Variants in PDE1C observed in about 807,000 individuals in gnomAD.
PDE1C encodes the protein dual specificity calcium/calmodulin-dependent 3',5'-cyclic nucleotide phosphodiesterase 1C.
A neutral mutation model predicts 93.1 loss-of-function variants in PDE1C; 62 were observed. The ratio of observed to expected loss-of-function variants is 0.67; its 90% CI spans 0.54 to 0.82. The LOEUF (loss-of-function observed/expected upper bound fraction) is 0.82, where lower values mean the gene tolerates loss of function less well. Ranked by LOEUF, PDE1C falls within the 40% of genes least tolerant of loss-of-function variation. The pLI, the probability that PDE1C is intolerant of heterozygous loss-of-function variation, is 0.00. For missense variants in PDE1C, 742 were observed against 884.6 expected (o/e 0.84, Z 2.04); for synonymous variants, 325 against 310.1 (o/e 1.05, Z -0.50).
chr7:31,805,255 T>A (rs962874662), intron 16 of PDE1C, among the ~76,000 whole-genome samples: 3 of 151,582 alleles, frequency 2.0e-5, no homozygotes, highest in Non-Finnish European at 2.9e-5. Context: ...GAGGACAGAC[T>A]AATACAAGCA....
chr7:31,924,274 C>T (rs970039343), intron 2 of PDE1C, among the ~76,000 whole-genome samples: 3 of 152,160 alleles, frequency 2.0e-5, no homozygotes, highest in Non-Finnish European at 2.9e-5. Flanking sequence ...ACAGGACAGA[C>T]AATCAATATT....
intron 3 of PDE1C, among the ~76,000 whole-genome samples, chr7:32,134,459 G>A (rs1250951540): frequency 6.6e-6 from 1 of 152,076 alleles, no homozygotes; most frequent in African/African-American, 2.4e-5. Flanking sequence ...AAATGGAGAT[G>A]TCAACTAGAA....
intron 16 of PDE1C, among the ~76,000 whole-genome samples, chr7:31,801,127 A>G (rs1785964407): frequency 6.6e-6 from 1 of 150,986 alleles, no homozygotes; most frequent in Non-Finnish European, 1.5e-5. Flanking sequence ...AGCAGAAGAA[A>G]GGAAATAATA....
chr7:32,254,713 G>T (rs1360109515), intron 1 of PDE1C, among the ~76,000 whole-genome samples: 1 of 152,134 alleles, frequency 6.6e-6, no homozygotes, highest in African/African-American at 2.4e-5. Context: ...GTGTGTATAT[G>T]AATGTGTACA....
intron 7 of PDE1C, among the ~76,000 whole-genome samples, chr7:31,861,747 A>C (rs1203574063): frequency 6.6e-6 from 1 of 152,084 alleles, no homozygotes; most frequent in Non-Finnish European, 1.5e-5. Flanking sequence ...GCATCTCTTC[A>C]CTAGACTTCT....
At chr7:32,399,400 T>A (rs1158193721) in intron 1 of PDE1C, among the ~76,000 whole-genome samples, 1 of 152,118 alleles carries the variant, frequency 6.6e-6, no homozygotes. Context: ...TTCTCATGGT[T>A]CTGGAGGCTG....
chr7:32,058,711 G>A (rs1259647193), intron 1 of PDE1C, among the ~76,000 whole-genome samples: 1 of 152,108 alleles, frequency 6.6e-6, no homozygotes, highest in Non-Finnish European at 1.5e-5. Flanking sequence ...TTGCTTCCTG[G>A]CCTTTCCCAT....
chr7:32,173,520 T>C (rs1316118791), intron 2 of PDE1C, among the ~76,000 whole-genome samples: 4 of 151,056 alleles, frequency 2.6e-5, no homozygotes, highest in African/African-American at 7.3e-5. Context: ...TAAATAAAAA[T>C]TAAAAATTAA....
chr7:31,673,556 G>A, the PDE1C span, among the ~76,000 whole-genome samples: 3 of 152,030 alleles, frequency 2.0e-5, no homozygotes, highest in Non-Finnish European at 2.9e-5. Flanking sequence ...AAATTTTATA[G>A]AAACTATCAT....
the PDE1C span, among the ~76,000 whole-genome samples, chr7:31,702,178 T>C: frequency 1.3e-5 from 2 of 151,466 alleles, no homozygotes; most frequent in African/African-American, 4.9e-5. Flanking sequence ...AATTGTGATA[T>C]GGCTTAAATC....
At chr7:32,082,179 G>C (rs112480443) in intron 3 of PDE1C, among the ~76,000 whole-genome samples, 1 of 152,116 alleles carries the variant, frequency 6.6e-6, no homozygotes, top group Non-Finnish European at 1.5e-5. Flanking sequence ...CTTTTCCGAC[G>C]GGCTTAAAAA....
intron 2 of PDE1C, among the ~76,000 whole-genome samples, chr7:32,000,018 T>C (rs188326012): frequency 2.4e-4 from 36 of 152,220 alleles, no homozygotes; most frequent in African/African-American, 8.4e-4. Flanking sequence ...TGGCACAAAT[T>C]TGGCAAGCTG....
Position 32,221,326 on chromosome 7 carries a change from GC to G in PDE1C, c.86-11788del, listed in dbSNP as rs201084308. 3.6e-3 allele frequency among the ~76,000 whole-genome samples: 549 copies of G among 152,274 alleles called. 6 individuals carry two copies. Among genetic ancestry groups the G allele is most frequent in the African/African-American group, 0.012 (518 of 41,560 alleles). On this transcript the variant is annotated intron_variant, in intron 1 of 18. Transcript: ENST00000396193. ...TCAAATTTCCATCTCCCTCCATCAA[GC>G]CCCTTTCTTGTTTGATTCTTGGGAG... is the stretch of plus-strand genomic sequence containing the variant.
At chr7:31,620,860 A>C in the PDE1C span, among the ~76,000 whole-genome samples, 1 of 152,122 alleles carries the variant, frequency 6.6e-6, no homozygotes, top group African/African-American at 2.4e-5. Context: ...AAACTTTGAA[A>C]AAAATTTAGA....
Position 32,210,226 on chromosome 7 carries a change from A to G in PDE1C, c.86-687T>C, listed in dbSNP as rs574244136. Among the ~76,000 whole-genome samples the G allele has an allele frequency of 5.9e-5, 9 of 152,272 alleles. No homozygotes were observed. In the East Asian group the frequency reaches 1.7e-3, roughly 29 times the overall value. Reference sequence around the variant, plus strand: ...GAACCCATTGTATTGGGTAAAAGAGATTGGTTGTTAAGGGGAAACACAGGT... The same window carrying G: ...GAACCCATTGTATTGGGTAAAAGAGGTTGGTTGTTAAGGGGAAACACAGGT... On this transcript the variant is annotated intron_variant, in intron 1 of 18. Transcript: ENST00000396193.
exon 1 of PDE1C, chr7:32,299,170 G>C: frequency 1.0e-6 from 1 of 998,802 alleles, no homozygotes; most frequent in Non-Finnish European, 1.2e-6. Context: ...GTGGCTGGGG[G>C]GATTTGGGGA....
intron 3 of PDE1C, among the ~76,000 whole-genome samples, chr7:32,126,056 A>T (rs1476356530): frequency 6.6e-6 from 1 of 152,112 alleles, no homozygotes; most frequent in Non-Finnish European, 1.5e-5. Flanking sequence ...TTTACTTTTG[A>T]TAACTTGAGG....
intron 1 of PDE1C, among the ~76,000 whole-genome samples, chr7:32,273,221 G>T (rs544223440): frequency 1.3e-5 from 2 of 152,224 alleles, no homozygotes; most frequent in Non-Finnish European, 2.9e-5. Context: ...GACAAAGAGT[G>T]CCCCGGTGAG....
chr7:32,177,668 T>C (rs1012313164), intron 2 of PDE1C, among the ~76,000 whole-genome samples: 1 of 152,138 alleles, frequency 6.6e-6, no homozygotes, highest in Non-Finnish European at 1.5e-5. Flanking sequence ...CCTGCCTCGC[T>C]CACTGCTTCC....
Sources: gnomAD v4.1 joint callset for allele counts (sites outside exome capture counted in the v4.1 genomes callset) on GRCh38, gnomAD v4.1.1 for gene constraint, MANE v1.5 for transcripts, NCBI Gene and HGNC (gene_info 2026-07-23, HGNC 2026-07-21) for gene names.